NAALADL2: variants seen among roughly 807,000 people sequenced by gnomAD.
The protein encoded by NAALADL2 is N-acetylated alpha-linked acidic dipeptidase like 2.
In NAALADL2, 76 loss-of-function variants were observed where a neutral mutation model predicts 87.2. The ratio of observed to expected loss-of-function variants is 0.87; its 90% CI spans 0.72 to 1.05. The LOEUF (loss-of-function observed/expected upper bound fraction) is 1.05, where lower values mean the gene tolerates loss of function less well. Ranked by LOEUF, NAALADL2 falls within the 50% of genes least tolerant of loss-of-function variation. The pLI, the probability that NAALADL2 is intolerant of heterozygous loss-of-function variation, is 0.00. For synonymous variants in NAALADL2, 354 were observed against 331.0 expected, an observed-to-expected ratio of 1.07 and a Z score of -0.75; for missense variants, 1,089 against 945.8, an observed-to-expected ratio of 1.15 and a Z score of -1.99.
intron 1 of NAALADL2, among the ~76,000 whole-genome samples, chr3:174,882,426 TG>T (rs1388667337): frequency 1.6e-5 from 1 of 62,096 alleles, no homozygotes; most frequent in Non-Finnish European, 2.9e-5. Flanking sequence ...GTATGTGTGT[TG>T]TGTGTGTGTG....
chr3:174,925,943 A>G (rs1735955007), intron 1 of NAALADL2, among the ~76,000 whole-genome samples: 1 of 152,224 alleles, frequency 6.6e-6, no homozygotes, highest in African/African-American at 2.4e-5. Flanking sequence ...AATCACAAAG[A>G]AGCTAAAAAC....
At position 175,256,531 on chromosome 3, in the gene NAALADL2, G is replaced by A. The variant is rs1160036137; in HGVS notation, c.939+1G>A. ...AGGAAAATTGCCACTGCTTTATAAGGTTGGTCCAGTGAATGTTATTCAGTG... is the reference window on the plus strand; with the variant it reads ...AGGAAAATTGCCACTGCTTTATAAGATTGGTCCAGTGAATGTTATTCAGTG... On this transcript the variant is annotated splice_donor_variant, in intron 4 of 13. Transcript: ENST00000454872. LOFTEE classifies it high-confidence loss of function. The A allele has an allele frequency of 1.2e-6, 2 of 1,609,976 alleles. No individual in the cohort carries two copies. The highest frequency in any genetic ancestry group is 1.3e-5 in the African/African-American group (1 of 74,738).
intron 2 of NAALADL2, among the ~76,000 whole-genome samples, chr3:175,137,951 GATA>G (rs907073840): frequency 6.6e-6 from 1 of 151,968 alleles, no homozygotes; most frequent in Non-Finnish European, 1.5e-5. Flanking sequence ...TAACTCTCCT[GATA>G]ATAATAATGT....
intron 1 of NAALADL2, among the ~76,000 whole-genome samples, chr3:175,050,811 G>T (rs1461418444): frequency 1.3e-5 from 2 of 152,138 alleles, no homozygotes; most frequent in East Asian, 3.9e-4. Context: ...GTTATCTTCA[G>T]TTATGAGTGC....
chr3:175,286,354 C>T (rs956393469), intron 4 of NAALADL2, among the ~76,000 whole-genome samples: 4 of 152,042 alleles, frequency 2.6e-5, no homozygotes, highest in African/African-American at 9.7e-5. Flanking sequence ...CTTGATGGGC[C>T]ACGATGGGCA....
At chr3:175,651,198 T>G (rs1011678562) in intron 11 of NAALADL2, among the ~76,000 whole-genome samples, 6 of 152,198 alleles carry the variant, frequency 3.9e-5, no homozygotes, top group African/African-American at 1.4e-4. Flanking sequence ...TTTCTCTGAA[T>G]AATTGAAGAA....
intron 10 of NAALADL2, among the ~76,000 whole-genome samples, chr3:175,606,387 C>CTT (rs372448967): frequency 0.28 from 41,104 of 147,366 alleles, 7,054 homozygotes; most frequent in East Asian, 0.57. Context: ...AGAAACTAGC[C>CTT]TTTTTTTTTT....
chr3:175,379,991 T>C (rs1256841121), intron 5 of NAALADL2, among the ~76,000 whole-genome samples: 3 of 151,912 alleles, frequency 2.0e-5, no homozygotes, highest in Admixed American at 6.6e-5. Flanking sequence ...TAGGTGGGAA[T>C]TGAACAATGA....
At chr3:175,431,326 A>G (rs1717719886) in intron 5 of NAALADL2, among the ~76,000 whole-genome samples, 1 of 152,080 alleles carries the variant, frequency 6.6e-6, no homozygotes. Context: ...GTAGCAGGAC[A>G]ATATGCAGTA....
intron 2 of NAALADL2, among the ~76,000 whole-genome samples, chr3:175,227,741 T>G (rs1186384000): frequency 1.3e-5 from 2 of 151,936 alleles, no homozygotes; most frequent in East Asian, 3.9e-4. Context: ...AATAGAACCC[T>G]TTGACTAAAC....
At chr3:175,109,836 C>A (rs1032174738) in intron 2 of NAALADL2, among the ~76,000 whole-genome samples, 2 of 151,726 alleles carry the variant, frequency 1.3e-5, no homozygotes, top group East Asian at 1.9e-4. Context: ...ACAAAACAAA[C>A]GAACCCACTC....
intron 1 of NAALADL2, among the ~76,000 whole-genome samples, chr3:174,479,079 C>T (rs992015665): frequency 2.0e-5 from 3 of 152,088 alleles, no homozygotes; most frequent in African/African-American, 7.2e-5. Flanking sequence ...TACACTTGTA[C>T]TGAAAAATAT....
intron 2 of NAALADL2, among the ~76,000 whole-genome samples, chr3:174,642,759 T>C (rs1393208946): frequency 4.7e-5 from 1 of 21,356 alleles, no homozygotes; most frequent in East Asian, 7.9e-3. Context: ...CATATATATA[T>C]ATATATATAT....
chr3:175,068,833 T>C (rs1446448422), intron 1 of NAALADL2, among the ~76,000 whole-genome samples: 1 of 152,240 alleles, frequency 6.6e-6, no homozygotes, highest in Middle Eastern at 3.4e-3. Context: ...TGAAAAAGTA[T>C]GCACTTGGTA....
chr3:174,913,707 T>C (rs1008774574), intron 1 of NAALADL2, among the ~76,000 whole-genome samples: 7 of 152,208 alleles, frequency 4.6e-5, no homozygotes, highest in Non-Finnish European at 1.0e-4. Context: ...TATTGCGCTG[T>C]AATGGGCACT....
intron 3 of NAALADL2, among the ~76,000 whole-genome samples, chr3:174,770,576 C>T (rs1326377210): frequency 1.3e-5 from 2 of 152,098 alleles, no homozygotes; most frequent in East Asian, 1.9e-4. Context: ...TTTGGTGGCT[C>T]ACGCCTGTAA....
At chr3:175,741,397 C>T (rs372159935) in intron 12 of NAALADL2, among the ~76,000 whole-genome samples, 25 of 152,198 alleles carry the variant, frequency 1.6e-4, no homozygotes, top group African/African-American at 5.8e-4. Context: ...GATCCTACCT[C>T]CTAATACCAT....
At chr3:175,441,422 C>T (rs947813327) in intron 5 of NAALADL2, among the ~76,000 whole-genome samples, 2 of 152,080 alleles carry the variant, frequency 1.3e-5, no homozygotes, top group Non-Finnish European at 2.9e-5. Flanking sequence ...ACAAGGGCTC[C>T]CAGAACCGAT....
At chr3:175,498,385 C>T (rs567831171) in intron 9 of NAALADL2, among the ~76,000 whole-genome samples, 325 of 152,056 alleles carry the variant, frequency 2.1e-3, no homozygotes, top group Non-Finnish European at 2.9e-3. Context: ...AAATATGGAG[C>T]CTTAATCCCC....
Sources: allele counts gnomAD v4.1 joint callset (sites outside exome capture counted in the v4.1 genomes callset), GRCh38; gene constraint gnomAD v4.1.1; transcripts MANE v1.5; gene names NCBI Gene and HGNC (gene_info 2026-07-23, HGNC 2026-07-21).